Variants in TTYH3 observed in about 807,000 individuals in gnomAD.
TTYH3 encodes the protein tweety family member 3, also known as protein tweety homolog 3.
Under a neutral mutation model 68.2 loss-of-function variants are expected in TTYH3, and 23 were observed. The observed-to-expected ratio is 0.34, with a 90% CI of 0.24 to 0.48. The LOEUF (loss-of-function observed/expected upper bound fraction) is 0.48, where lower values mean the gene tolerates loss of function less well. Ranked by LOEUF, TTYH3 falls within the 20% of genes least tolerant of loss-of-function variation. The pLI is 0.99. For synonymous variants in TTYH3, 360 were observed against 332.8 expected, an observed-to-expected ratio of 1.08 and a Z score of -0.89; for missense variants, 768 against 727.7, an observed-to-expected ratio of 1.06 and a Z score of -0.64.
chr7:2,649,748 C>G, intron 6 of TTYH3, 109 bp downstream of exon 6: 2 of 1,477,498 alleles, frequency 1.4e-6, no homozygotes, highest in Non-Finnish European at 1.8e-6. Flanking sequence ...CACTGGGTCC[C>G]GAGAGCGGTG....
intron 9 of TTYH3, among the ~76,000 whole-genome samples, chr7:2,655,267 T>C (rs1349992404): frequency 1.3e-5 from 2 of 152,200 alleles, no homozygotes; most frequent in African/African-American, 2.4e-5. Flanking sequence ...TGCCTCAGCC[T>C]CCTGAGTAGC....
intron 11 of TTYH3, 114 bp from the exon 12 acceptor site, chr7:2,658,172 C>T (rs1379967951): frequency 1.1e-5 from 13 of 1,162,774 alleles, no homozygotes; most frequent in African/African-American, 7.8e-5. Flanking sequence ...TGCACACGGC[C>T]GAGCCAGAAC....
intron 1 of TTYH3, among the ~76,000 whole-genome samples, chr7:2,644,689 C>T (rs1785935300): frequency 6.6e-6 from 1 of 152,176 alleles, no homozygotes; most frequent in African/African-American, 2.4e-5. Context: ...CTCTGCAGTG[C>T]CCAGATTGCT....
In TTYH3 at chr7:2,645,372, G is replaced by A. The variant is rs1785952702; in HGVS notation, c.124-1481G>A. Among the ~76,000 whole-genome samples, 1 of 152,340 alleles carries A rather than the reference G, an allele frequency of 6.6e-6. No individual in the cohort carries two copies. Among genetic ancestry groups the A allele is most frequent in the East Asian group, 1.9e-4 (1 of 5,190 alleles). On this transcript the variant is annotated intron_variant, in intron 1 of 13. Coordinates refer to ENST00000258796, the MANE Select transcript of TTYH3 (RefSeq NM_025250.3). This position sits in a 1 kb window ranked among gnomAD's most constrained non-coding sequence, Gnocchi z 4.8. ...GTGAGAGCACTCGGCCAGGCAGATC[G>A]AATGCAGTGCCAGGAGAAGGGACAG...
intron 1 of TTYH3, among the ~76,000 whole-genome samples, chr7:2,634,609 G>A (rs1368321614): frequency 2.6e-5 from 4 of 152,064 alleles, no homozygotes; most frequent in Non-Finnish European, 4.4e-5. Context: ...TTGGGGGTGT[G>A]GCACGGGGGA....
At chr7:2,633,255 G>A (rs1785570340) in intron 1 of TTYH3, among the ~76,000 whole-genome samples, 1 of 152,182 alleles carries the variant, frequency 6.6e-6, no homozygotes, top group Non-Finnish European at 1.5e-5. Context: ...CCCCATGGTG[G>A]GGTGGGGATG....
chr7:2,639,531 T>A (rs1785772673), intron 1 of TTYH3, among the ~76,000 whole-genome samples: 1 of 152,154 alleles, frequency 6.6e-6, no homozygotes, highest in Admixed American at 6.5e-5. Context: ...GAGCTGTCTG[T>A]CCAAGCCTGG....
chr7:2,664,213 GT>G lies in TTYH3; in HGVS notation c.*2475del. 1 of 152,820 alleles carries G rather than the reference GT, an allele frequency of 6.5e-6. No homozygotes were observed. The highest frequency in any genetic ancestry group is 1.9e-4 in the East Asian group (1 of 5,260). 9.5% of individuals were successfully genotyped at this position (152,820 alleles called of 1,614,324 possible). On this transcript the variant is annotated 3_prime_UTR_variant, in exon 14 of 14. Coordinates refer to ENST00000258796, the MANE Select transcript of TTYH3 (RefSeq NM_025250.3). ...CCCACATGTCATGGCAAGGTTGGTA[GT>G]GAATGGGCCTGGTTGGGAGCAGCCC...
intron 1 of TTYH3, among the ~76,000 whole-genome samples, chr7:2,639,959 C>T (rs1216976926): frequency 4.0e-5 from 6 of 151,870 alleles, no homozygotes; most frequent in Non-Finnish European, 7.4e-5. Flanking sequence ...CTCCCAATGC[C>T]TCGGGCAGCC....
Position 2,662,173 on chromosome 7 carries a change from G to T in TTYH3, c.*434G>T. 3.3e-6 allele frequency: 1 copy of T among 305,850 alleles called. No individual in the cohort carries two copies. Among genetic ancestry groups the T allele is most frequent in the Non-Finnish European group, 6.2e-6 (1 of 160,116 alleles). The allele number at this position is 305,850 out of a possible 1,614,324, so 18.9% of individuals were successfully genotyped here. On this transcript the variant is annotated 3_prime_UTR_variant, in exon 14 of 14. Coordinates refer to ENST00000258796, the MANE Select transcript of TTYH3 (RefSeq NM_025250.3). ...CTGGGGCCGCTCTGTGCTGGCGCCT[G>T]CTGGCCACTGAGGGACAGGGACACG...
At position 2,660,653 on chromosome 7, in the gene TTYH3, C is replaced by T. The variant is rs115588672; in HGVS notation, c.1501-1015C>T. ...GCTCCTCCCCCCACCCCCTCCGTGG[C>T]GTCCCCACAGGCTGCTCGAAACCTT... On this transcript the variant is annotated intron_variant, in intron 13 of 13. Transcript: ENST00000258796. The T allele has an allele frequency of 3.1e-3, 2,364 of 751,848 alleles. 63 individuals are homozygous for T. In the African/African-American group the frequency reaches 0.043, roughly 14 times the overall value. The allele number at this position is 751,848 out of a possible 1,614,324, so 46.6% of individuals were successfully genotyped here. A position where few individuals can be genotyped will look rare whatever the true frequency, so the allele number is the denominator to read the frequency against.
rs181492928 is a variant in TTYH3 at position 2,641,684 on chromosome 7, G to T, written c.124-5169G>T. ...GGAGGGGCGGAGGGGCCGCCAGCCCGGTGGAGAGAGGTGGCTGGGCCACCG... is the reference window on the plus strand; with the variant it reads ...GGAGGGGCGGAGGGGCCGCCAGCCCTGTGGAGAGAGGTGGCTGGGCCACCG... On this transcript the variant is annotated intron_variant, in intron 1 of 13. Coordinates refer to ENST00000258796, the MANE Select transcript of TTYH3 (RefSeq NM_025250.3). Among the ~76,000 whole-genome samples the T allele has an allele frequency of 2.6e-5, 4 of 152,356 alleles. No homozygotes were observed. The East Asian group carries it at 7.7e-4, about 29-fold the overall frequency.
At chr7:2,636,760 C>A (rs138267812) in intron 1 of TTYH3, among the ~76,000 whole-genome samples, 17 of 151,568 alleles carry the variant, frequency 1.1e-4, no homozygotes, top group African/African-American at 4.1e-4. Flanking sequence ...GCTGAGCTTG[C>A]CTTTTGGCCA....
At chr7:2,648,092 C>T (rs367552054) in intron 5 of TTYH3, 38 bp downstream of exon 5, 23 of 1,582,386 alleles carry the variant, frequency 1.5e-5, no homozygotes, top group Middle Eastern at 4.5e-4. Flanking sequence ...GGGCCCAAAG[C>T]GGAGGGGCAG....
Position 2,649,595 on chromosome 7 carries a change from G to A in TTYH3, c.751G>A (p.Val251Ile). 1 of 1,597,160 alleles carries A rather than the reference G, an allele frequency of 6.3e-7. No individual in the cohort carries two copies. Among genetic ancestry groups the A allele is most frequent in the South Asian group, 1.1e-5 (1 of 89,500 alleles). Residue 251 changes from valine to isoleucine, a missense_variant, in exon 6 of 14, where the codon GTC becomes ATC. Transcript: ENST00000258796. ...GVCLLGVLAL[V>I]ISWGALGLEL... ...CTGCCTGCTGGGAGTCCTGGCCCTGGTCATCAGCTGGGGCGCGCTGGGCTT... is the reference window on the plus strand; with the variant it reads ...CTGCCTGCTGGGAGTCCTGGCCCTGATCATCAGCTGGGGCGCGCTGGGCTT...
chr7:2,646,648 T>G (rs1004700587), intron 1 of TTYH3, among the ~76,000 whole-genome samples: 1 of 152,154 alleles, frequency 6.6e-6, no homozygotes, highest in Non-Finnish European at 1.5e-5. Flanking sequence ...GTCCCAGGTG[T>G]GGGGTCCAGG....
intron 1 of TTYH3, among the ~76,000 whole-genome samples, chr7:2,637,315 T>C (rs1785706016): frequency 6.6e-6 from 1 of 152,060 alleles, no homozygotes; most frequent in South Asian, 2.1e-4. Context: ...GCAGCTTGGT[T>C]CCCCAGGCCA....
chr7:2,637,770 A>G (rs567915534), intron 1 of TTYH3, among the ~76,000 whole-genome samples: 151 of 152,102 alleles, frequency 9.9e-4, no homozygotes, highest in African/African-American at 3.2e-3. Flanking sequence ...GCCTGCCGCT[A>G]TGTTCTGCAG....
At chr7:2,634,292 C>T (rs770495280) in intron 1 of TTYH3, among the ~76,000 whole-genome samples, 22 of 152,182 alleles carry the variant, frequency 1.4e-4, no homozygotes, top group South Asian at 6.2e-4. Flanking sequence ...ATTGCCTCAT[C>T]CTGAATCTGG....
Sources: allele counts gnomAD v4.1 joint callset (sites outside exome capture counted in the v4.1 genomes callset), GRCh38; gene constraint gnomAD v4.1.1; non-coding constraint Gnocchi (gnomAD v3.1); transcripts MANE v1.5; gene names NCBI Gene and HGNC (gene_info 2026-07-23, HGNC 2026-07-21).